The following PCDH9 variants were observed in gnomAD, a reference collection of about 807,000 sequenced individuals.
PCDH9 encodes the protein protocadherin-9.
Under a neutral mutation model 70.6 loss-of-function variants are expected in PCDH9, and 24 were observed. That is an observed-to-expected ratio of 0.34 (90% CI 0.25 to 0.48). The LOEUF (loss-of-function observed/expected upper bound fraction) is 0.48, where lower values mean the gene tolerates loss of function less well. Ranked by LOEUF, PCDH9 falls within the 20% of genes least tolerant of loss-of-function variation. PCDH9 has a pLI of 0.99. For synonymous variants in PCDH9, 562 were observed against 558.5 expected, an observed-to-expected ratio of 1.01 and a Z score of -0.09; for missense variants, 1,281 against 1,503.6, an observed-to-expected ratio of 0.85 and a Z score of 2.45.
intron 2 of PCDH9, among the ~76,000 whole-genome samples, chr13:66,963,496 T>C (rs1342679140): frequency 6.6e-6 from 1 of 152,220 alleles, no homozygotes; most frequent in Non-Finnish European, 1.5e-5. Flanking sequence ...AACGGGAATC[T>C]AATTAAATTT....
chr13:66,342,210 T>G (rs1395292113), intron 4 of PCDH9, among the ~76,000 whole-genome samples: 3 of 152,228 alleles, frequency 2.0e-5, no homozygotes, highest in African/African-American at 7.2e-5. Flanking sequence ...GAGTCATCAC[T>G]TAAGAACATG....
At chr13:66,443,167 T>C (rs770551821) in intron 4 of PCDH9, among the ~76,000 whole-genome samples, 3 of 152,190 alleles carry the variant, frequency 2.0e-5, no homozygotes. Flanking sequence ...GATTTTTATA[T>C]TGTCTTTCAT....
rs1018874379 is a variant in PCDH9 at position 66,764,181 on chromosome 13, C to T, written c.3139-132770G>A. On this transcript the variant is annotated intron_variant, in intron 3 of 4. Coordinates refer to ENST00000377865, the MANE Select transcript of PCDH9 (RefSeq NM_203487.3). ...TATTTCTTAAGAGGTGGAATATGGACAAGATTTATATATTGATAAAAATAT... is the reference window on the plus strand; with the variant it reads ...TATTTCTTAAGAGGTGGAATATGGATAAGATTTATATATTGATAAAAATAT... Among the ~76,000 whole-genome samples the T allele has an allele frequency of 1.2e-4, 18 of 149,420 alleles. 1 individual carries two copies. In the East Asian group the frequency reaches 2.0e-3, roughly 16 times the overall value.
intron 2 of PCDH9, among the ~76,000 whole-genome samples, chr13:67,094,923 A>G (rs775810661): frequency 4.6e-5 from 7 of 152,178 alleles, no homozygotes; most frequent in Non-Finnish European, 1.0e-4. Flanking sequence ...TCCAACAGAA[A>G]TCAAGAAACA....
Position 66,777,734 on chromosome 13 carries a change from C to T in PCDH9, c.3138+125770G>A, listed in dbSNP as rs373986663. Among the ~76,000 whole-genome samples, 63 of 152,158 alleles carry T rather than the reference C, an allele frequency of 4.1e-4. 2 individuals carry two copies. Among genetic ancestry groups the T allele is most frequent in the South Asian group, 1.5e-3 (7 of 4,824 alleles). On this transcript the variant is annotated intron_variant, in intron 3 of 4. Transcript: ENST00000377865. ...TGGAAGTCAGTGTGGCGATTCCTCA[C>T]GGATCTAGAACTAGAAATACCATTT...
chr13:67,099,944 G>A (rs1029933441), intron 2 of PCDH9, among the ~76,000 whole-genome samples: 5 of 152,258 alleles, frequency 3.3e-5, no homozygotes, highest in South Asian at 2.1e-4. Context: ...CCATGGCACC[G>A]TATAACATCT....
intron 2 of PCDH9, among the ~76,000 whole-genome samples, chr13:67,037,330 C>T (rs766411813): frequency 6.6e-6 from 1 of 152,186 alleles, no homozygotes; most frequent in African/African-American, 2.4e-5. Flanking sequence ...GGCTTCTTGA[C>T]TTACATATAT....
intron 3 of PCDH9, among the ~76,000 whole-genome samples, chr13:66,779,845 C>CTATATA (rs1395028159): frequency 0.13 from 5,196 of 41,192 alleles, 93 homozygotes; most frequent in Admixed American, 0.17. Flanking sequence ...CTCTCTCTCT[C>CTATATA]TCTCTATATA....
intron 4 of PCDH9, among the ~76,000 whole-genome samples, chr13:66,332,667 T>A (rs1341425860): frequency 6.6e-6 from 1 of 151,922 alleles, no homozygotes; most frequent in African/African-American, 2.4e-5. Flanking sequence ...GGAGGGGTGG[T>A]CACAGAAAGC....
intron 2 of PCDH9, among the ~76,000 whole-genome samples, chr13:67,182,528 A>G (rs966772365): frequency 1.3e-5 from 2 of 152,134 alleles, no homozygotes; most frequent in African/African-American, 4.8e-5. Context: ...TAGTAATCGA[A>G]ATGTTCTCTA....
intron 4 of PCDH9, among the ~76,000 whole-genome samples, chr13:66,415,077 T>C (rs1184103771): frequency 6.6e-6 from 1 of 152,108 alleles, no homozygotes. Flanking sequence ...TGAGATTAGA[T>C]AGAGACCAGT....
intron 4 of PCDH9, among the ~76,000 whole-genome samples, chr13:66,533,260 T>C (rs1379173837): frequency 2.0e-5 from 3 of 152,286 alleles, no homozygotes; most frequent in African/African-American, 7.2e-5. Flanking sequence ...CATTTTAAGA[T>C]ACCATTCATA....
At chr13:66,680,972 A>C (rs978889980) in intron 3 of PCDH9, among the ~76,000 whole-genome samples, 3 of 152,060 alleles carry the variant, frequency 2.0e-5, no homozygotes, top group Non-Finnish European at 4.4e-5. Context: ...GAAATCATAT[A>C]GGTCCTGGGA....
chr13:66,320,239 G>A (rs1277219555), intron 4 of PCDH9, among the ~76,000 whole-genome samples: 1 of 151,988 alleles, frequency 6.6e-6, no homozygotes, highest in South Asian at 2.1e-4. Context: ...ATTTATAATC[G>A]CAGTCTCTGT....
intron 2 of PCDH9, among the ~76,000 whole-genome samples, chr13:67,107,830 C>T (rs919328017): frequency 3.3e-5 from 5 of 152,170 alleles, no homozygotes; most frequent in African/African-American, 1.2e-4. Context: ...TACAGCCCTT[C>T]GAGGAGCCTA....
chr13:66,336,997 G>A (rs1053655034), intron 4 of PCDH9, among the ~76,000 whole-genome samples: 1 of 151,798 alleles, frequency 6.6e-6, no homozygotes, highest in African/African-American at 2.4e-5. Context: ...AGACAATTTT[G>A]TCCTTATAAT....
intron 4 of PCDH9, among the ~76,000 whole-genome samples, chr13:66,325,839 A>G (rs1955833360): frequency 6.6e-6 from 1 of 152,292 alleles, no homozygotes; most frequent in Non-Finnish European, 1.5e-5. Context: ...TAGATTAACT[A>G]TGTGATCTTG....
chr13:66,843,533 G>A (rs796377242), intron 3 of PCDH9, among the ~76,000 whole-genome samples: 12 of 152,254 alleles, frequency 7.9e-5, no homozygotes, highest in South Asian at 4.2e-4. Context: ...AATTTGCTCC[G>A]GACAAACGTC....
intron 2 of PCDH9, among the ~76,000 whole-genome samples, chr13:67,005,500 T>G (rs1272863572): frequency 2.0e-5 from 3 of 152,260 alleles, no homozygotes; most frequent in African/African-American, 7.2e-5. Flanking sequence ...GCACACACAC[T>G]CATACTTTAA....
Sources: gnomAD v4.1 joint callset for allele counts (sites outside exome capture counted in the v4.1 genomes callset) on GRCh38, gnomAD v4.1.1 for gene constraint, MANE v1.5 for transcripts, NCBI Gene and HGNC (gene_info 2026-07-23, HGNC 2026-07-21) for gene names.